GCNT4: variants seen among roughly 807,000 people sequenced by gnomAD.
The protein encoded by GCNT4 is glucosaminyl (N-acetyl) transferase 4, also known as beta-1,3-galactosyl-O-glycosyl-glycoprotein beta-1,6-N-acetylglucosaminyltransferase 4.
In GCNT4, 17 loss-of-function variants were observed where a neutral mutation model predicts 31.3. The observed-to-expected ratio is 0.54, with a 90% CI of 0.37 to 0.81. The LOEUF (loss-of-function observed/expected upper bound fraction) is 0.81, where lower values mean the gene tolerates loss of function less well. GCNT4 is among the 40% of genes least tolerant of loss of function. The pLI, the probability that GCNT4 is intolerant of heterozygous loss-of-function variation, is 0.00. For missense variants in GCNT4, 503 were observed against 525.5 expected, an observed-to-expected ratio of 0.96 and a Z score of 0.42; for synonymous variants, 158 against 190.6, an observed-to-expected ratio of 0.83 and a Z score of 1.41.
Position 75,029,003 on chromosome 5 carries a change from A to G in GCNT4, c.1035T>C (p.Val345=). 6.2e-7 allele frequency: 1 copy of G among 1,614,140 alleles called. No homozygotes were observed. The highest frequency in any genetic ancestry group is 1.1e-5 in the South Asian group (1 of 91,078). Residue 345 remains valine, a synonymous_variant, in exon 4 of 4, where the codon GTT becomes GTC. Coordinates refer to ENST00000652361, the MANE Select transcript of GCNT4 (RefSeq NM_001366737.1). ...DEHFWATLIR[V]PGIPGEISRS... ...TGGAAATCTCCCCAGGTATTCCTGGAACCCGAATCAAGGTAGCCCAAAAGT... is the reference window on the plus strand; with the variant it reads ...TGGAAATCTCCCCAGGTATTCCTGGGACCCGAATCAAGGTAGCCCAAAAGT...
chr5:75,021,038 T>C (rs1373757860), downstream of GCNT4, among the ~76,000 whole-genome samples: 1 of 152,160 alleles, frequency 6.6e-6, no homozygotes, highest in Non-Finnish European at 1.5e-5. Context: ...AAGTGAACTT[T>C]AATTTAATTT....
intron 2 of GCNT4, among the ~76,000 whole-genome samples, chr5:75,050,140 G>A (rs1273892917): frequency 6.6e-6 from 1 of 152,228 alleles, no homozygotes; most frequent in Non-Finnish European, 1.5e-5. Flanking sequence ...CAGTCTCACT[G>A]CGAGGCCTTG....
chr5:75,036,347 T>TA (rs142559865), intron 3 of GCNT4, among the ~76,000 whole-genome samples: 2,970 of 152,242 alleles, frequency 0.02, 92 homozygotes, highest in African/African-American at 0.069. Flanking sequence ...GTTATCCCTC[T>TA]ATTATAAGAA....
intron 2 of GCNT4, among the ~76,000 whole-genome samples, chr5:75,050,088 T>A (rs1213528416): frequency 6.6e-6 from 1 of 152,176 alleles, no homozygotes; most frequent in African/African-American, 2.4e-5. Flanking sequence ...TTGGGCCTGG[T>A]CCTAAGCTAG....
chr5:75,021,215 T>C (rs73122548), downstream of GCNT4, among the ~76,000 whole-genome samples: 2,290 of 152,260 alleles, frequency 0.015, 51 homozygotes, highest in African/African-American at 0.052. Context: ...AATTCGCTGA[T>C]ACAAACTTGT....
At chr5:75,018,122 A>C in the GCNT4 span, among the ~76,000 whole-genome samples, 1 of 152,158 alleles carries the variant, frequency 6.6e-6, no homozygotes, top group Non-Finnish European at 1.5e-5. Flanking sequence ...TGATCCTCCT[A>C]TCTCTCCAAT....
chr5:75,045,513 T>G (rs1743418230), intron 3 of GCNT4, among the ~76,000 whole-genome samples: 1 of 152,266 alleles, frequency 6.6e-6, no homozygotes, highest in South Asian at 2.1e-4. Flanking sequence ...CATTACATTT[T>G]GGTCATCCAT....
At chr5:75,052,007 ATTCACTTT>A (rs1341331441) in intron 2 of GCNT4, among the ~76,000 whole-genome samples, 154 bp downstream of exon 2, 2 of 152,176 alleles carry the variant, frequency 1.3e-5, no homozygotes, top group African/African-American at 2.4e-5. Flanking sequence ...CTCTATAATG[ATTCACTTT>A]TTCACTTTTA....
chr5:75,017,592 A>C, the GCNT4 span: 1 of 152,208 alleles, frequency 6.6e-6, no homozygotes, highest in Non-Finnish European at 1.5e-5. Context: ...TCTTGTTGAG[A>C]AGATGCTTTA....
Position 75,035,760 on chromosome 5 carries a change from TC to T in GCNT4, c.-1-5723del, listed in dbSNP as rs527981404. Among the ~76,000 whole-genome samples the T allele has an allele frequency of 2.1e-3, 326 of 152,308 alleles. 1 individual carries two copies. The highest frequency in any genetic ancestry group is 7.6e-3 in the African/African-American group (314 of 41,576). On this transcript the variant is annotated intron_variant, in intron 3 of 3. Coordinates refer to ENST00000652361, the MANE Select transcript of GCNT4 (RefSeq NM_001366737.1). ...TCCCAGAGGGATGGGCAGGCCGCCA[TC>T]TTTGCTGTTTTGCAACTTGACTGTT...
At chr5:75,045,826 T>C (rs1259008638) in intron 3 of GCNT4, among the ~76,000 whole-genome samples, 2 of 152,198 alleles carry the variant, frequency 1.3e-5, no homozygotes, top group African/African-American at 2.4e-5. Flanking sequence ...AGGTCCTAAG[T>C]GACTGATAAC....
chr5:75,034,907 C>A (rs1159956295), intron 3 of GCNT4, among the ~76,000 whole-genome samples: 1 of 152,172 alleles, frequency 6.6e-6, no homozygotes, highest in Non-Finnish European at 1.5e-5. Context: ...TGCACCCCAG[C>A]TAAGCGGACA....
At chr5:75,017,901 T>A in the GCNT4 span, among the ~76,000 whole-genome samples, 1 of 152,162 alleles carries the variant, frequency 6.6e-6, no homozygotes, top group Non-Finnish European at 1.5e-5. Flanking sequence ...AGGGTTTTAA[T>A]GTGTAGCAGG....
At chr5:75,023,938 A>T (rs1742911186), downstream of GCNT4, 1 of 152,192 alleles carries the variant, frequency 6.6e-6, no homozygotes, top group Non-Finnish European at 1.5e-5. Context: ...CTCTGTGGGA[A>T]GGTTGTATGT....
At chr5:75,049,585 G>T (rs1032912507) in intron 2 of GCNT4, among the ~76,000 whole-genome samples, 3 of 152,156 alleles carry the variant, frequency 2.0e-5, no homozygotes, top group African/African-American at 7.2e-5. Flanking sequence ...GCATATAAAT[G>T]ACATGCAAAG....
chr5:75,035,864 C>T (rs1341412245), intron 3 of GCNT4, among the ~76,000 whole-genome samples: 1 of 152,180 alleles, frequency 6.6e-6, no homozygotes, highest in Non-Finnish European at 1.5e-5. Flanking sequence ...AGACCTGTGG[C>T]TTATTGTCCT....
downstream of GCNT4, among the ~76,000 whole-genome samples, chr5:75,022,132 C>T (rs913697527): frequency 1.1e-4 from 17 of 152,174 alleles, no homozygotes; most frequent in Non-Finnish European, 2.5e-4. Flanking sequence ...TACGTCTGAA[C>T]TCGAGATTTC....
chr5:75,033,103 C>T (rs1019305608), intron 3 of GCNT4, among the ~76,000 whole-genome samples: 2 of 152,222 alleles, frequency 1.3e-5, no homozygotes, highest in African/African-American at 4.8e-5. Flanking sequence ...AAAGACCTCA[C>T]ATTCTAAAGA....
chr5:75,049,509 TTTCTC>T (rs1421585105), intron 2 of GCNT4, among the ~76,000 whole-genome samples: 1 of 152,192 alleles, frequency 6.6e-6, no homozygotes, highest in African/African-American at 2.4e-5. Context: ...TTAATTTTCT[TTTCTC>T]TTATATACTT....
Sources: gnomAD v4.1 joint callset for allele counts (sites outside exome capture counted in the v4.1 genomes callset) on GRCh38, gnomAD v4.1.1 for gene constraint, MANE v1.5 for transcripts, NCBI Gene and HGNC (gene_info 2026-07-23, HGNC 2026-07-21) for gene names.